The following KITLG variants were observed in gnomAD, a reference collection of about 807,000 sequenced individuals.
The protein encoded by KITLG is c-Kit ligand.
Under a neutral mutation model 34.1 loss-of-function variants are expected in KITLG, and 13 were observed. That is an observed-to-expected ratio of 0.38 (90% CI 0.25 to 0.61). The LOEUF is 0.61. KITLG is among the 20% of genes least tolerant of loss of function. KITLG has a pLI of 0.60. For missense variants in KITLG, 292 were observed against 318.9 expected, an observed-to-expected ratio of 0.92 and a Z score of 0.64; for synonymous variants, 110 against 104.0, an observed-to-expected ratio of 1.06 and a Z score of -0.35.
At chr12:88,548,898 G>A (rs892201561) in intron 1 of KITLG, among the ~76,000 whole-genome samples, 1 of 152,178 alleles carries the variant, frequency 6.6e-6, no homozygotes, top group African/African-American at 2.4e-5. Context: ...AAGAGCCATA[G>A]AACTAACTGT....
intron 2 of KITLG, among the ~76,000 whole-genome samples, chr12:88,538,783 C>T (rs550430004): frequency 9.9e-5 from 15 of 152,126 alleles, no homozygotes; most frequent in Non-Finnish European, 1.3e-4. Flanking sequence ...AATTAATTGA[C>T]GGAAAATTTT....
At chr12:88,534,252 C>T (rs1870219251) in intron 2 of KITLG, among the ~76,000 whole-genome samples, 1 of 152,118 alleles carries the variant, frequency 6.6e-6, no homozygotes, top group Non-Finnish European at 1.5e-5. Flanking sequence ...TGTCTCTTAG[C>T]TCCACTACAT....
intron 1 of KITLG, among the ~76,000 whole-genome samples, chr12:88,546,419 C>T (rs1870722383): frequency 6.6e-6 from 1 of 152,114 alleles, no homozygotes; most frequent in African/African-American, 2.4e-5. Context: ...GCTTTTTAGC[C>T]ACTTAAGGAA....
intron 3 of KITLG, among the ~76,000 whole-genome samples, chr12:88,519,754 C>G (rs759186198): frequency 1.3e-5 from 2 of 152,056 alleles, no homozygotes; most frequent in Admixed American, 1.3e-4. Context: ...TCCCAAGTAG[C>G]TGGCACTACA....
At chr12:88,532,537 A>T in intron 2 of KITLG, 34 bp from the exon 3 acceptor site, 2 of 1,368,276 alleles carry the variant, frequency 1.5e-6, no homozygotes, top group Non-Finnish European at 2.1e-6. Context: ...CCATAAGAAA[A>T]TTCTTATACA....
rs17015780 is a variant in KITLG, at chr12:88,497,885, C to T, written c.*38-704G>A. Among the ~76,000 whole-genome samples the T allele has an allele frequency of 9.9e-3, 1,501 of 152,236 alleles. 23 individuals carry two copies. The highest frequency in any genetic ancestry group is 0.035 in the African/African-American group (1,440 of 41,546). ...TGAGGAAATAGCAGCAGAAAGATTT[C>T]GTTCAATACTTCCAACCAAAAAAAG... On this transcript the variant is annotated intron_variant, in intron 9 of 9. Coordinates refer to ENST00000644744, the MANE Select transcript of KITLG (RefSeq NM_000899.5).
intron 1 of KITLG, among the ~76,000 whole-genome samples, chr12:88,573,026 T>C (rs1289629335): frequency 1.3e-5 from 2 of 152,296 alleles, no homozygotes; most frequent in Admixed American, 6.5e-5. Flanking sequence ...ATCCCTAATG[T>C]GTTTACTATT....
At chr12:88,545,275 A>T (rs894139610) in intron 2 of KITLG, among the ~76,000 whole-genome samples, 1 of 152,224 alleles carries the variant, frequency 6.6e-6, no homozygotes, top group South Asian at 2.1e-4. Flanking sequence ...TCCCTGAAGG[A>T]GCAAACACCC....
intron 1 of KITLG, among the ~76,000 whole-genome samples, chr12:88,560,967 C>CAAAAAAAAAAAAAAAAAAAA (rs34851499): frequency 3.4e-5 from 2 of 58,082 alleles, no homozygotes; most frequent in Non-Finnish European, 5.5e-5. Flanking sequence ...GACTCTGTCT[C>CAAAAAAAAAAAAAAAAAAAA]AAAAAAAAAA....
intron 1 of KITLG, among the ~76,000 whole-genome samples, chr12:88,552,137 G>A (rs1592580622): frequency 6.6e-6 from 1 of 151,674 alleles, no homozygotes; most frequent in Non-Finnish European, 1.5e-5. Context: ...TGATGTAAGT[G>A]AGCCTTATTT....
At chr12:88,523,130 A>G (rs1449586045) in intron 3 of KITLG, among the ~76,000 whole-genome samples, 1 of 152,212 alleles carries the variant, frequency 6.6e-6, no homozygotes, top group Non-Finnish European at 1.5e-5. Flanking sequence ...AGACGTATGC[A>G]TGCCTAGGGC....
chr12:88,563,354 C>T (rs1460852752), intron 1 of KITLG, among the ~76,000 whole-genome samples: 1 of 152,184 alleles, frequency 6.6e-6, no homozygotes, highest in African/African-American at 2.4e-5. Context: ...CCTTTCCAGA[C>T]TCATTCCTAC....
At chr12:88,560,171 G>A (rs756627902) in intron 1 of KITLG, among the ~76,000 whole-genome samples, 12 of 152,160 alleles carry the variant, frequency 7.9e-5, no homozygotes, top group South Asian at 2.1e-4. Context: ...GCACTCACAA[G>A]CCAATTGGCA....
At chr12:88,521,815 T>C (rs1869675859) in intron 3 of KITLG, among the ~76,000 whole-genome samples, 1 of 152,192 alleles carries the variant, frequency 6.6e-6, no homozygotes, top group Non-Finnish European at 1.5e-5. Context: ...ACCTTCTTTC[T>C]TGATAGCTTC....
intron 2 of KITLG, among the ~76,000 whole-genome samples, chr12:88,544,673 T>C (rs1266446268): frequency 6.6e-6 from 1 of 152,118 alleles, no homozygotes; most frequent in Non-Finnish European, 1.5e-5. Flanking sequence ...AAACCTGAAC[T>C]CTCTGGGTCC....
At chr12:88,569,168 G>T (rs1360177918) in intron 1 of KITLG, among the ~76,000 whole-genome samples, 1 of 152,170 alleles carries the variant, frequency 6.6e-6, no homozygotes, top group East Asian at 1.9e-4. Flanking sequence ...AAGAGCTTGG[G>T]AATGCGAGCT....
intron 2 of KITLG, among the ~76,000 whole-genome samples, chr12:88,536,287 T>C (rs1277784777): frequency 2.0e-5 from 3 of 152,112 alleles, no homozygotes; most frequent in South Asian, 2.1e-4. Context: ...CCAAGAAACA[T>C]ATGAAAAATT....
rs980736076 is a variant in KITLG at position 88,496,467 on chromosome 12, G to C, written c.*752C>G. On this transcript the variant is annotated 3_prime_UTR_variant, in exon 10 of 10. Transcript: ENST00000644744. ...TCTTGGCAGACTGTTCTGATGTTCA[G>C]TGTTCTTAACTTCTTCCTGCGATGA... 1 of 152,204 alleles carries C rather than the reference G, an allele frequency of 6.6e-6. No homozygotes were observed. The highest frequency in any genetic ancestry group is 1.5e-5 in the Non-Finnish European group (1 of 68,048). The allele number at this position is 152,204 out of a possible 1,614,324, so 9.4% of individuals were successfully genotyped here. A position where few individuals can be genotyped will look rare whatever the true frequency, so the allele number is the denominator to read the frequency against.
At chr12:88,544,733 G>A (rs1400301848) in intron 2 of KITLG, among the ~76,000 whole-genome samples, 1 of 152,040 alleles carries the variant, frequency 6.6e-6, no homozygotes, top group Non-Finnish European at 1.5e-5. Context: ...CTATATTGAG[G>A]CTAAGCTAGC....
Sources: allele counts gnomAD v4.1 joint callset (sites outside exome capture counted in the v4.1 genomes callset), GRCh38; gene constraint gnomAD v4.1.1; transcripts MANE v1.5; gene names NCBI Gene and HGNC (gene_info 2026-07-23, HGNC 2026-07-21).